MIPOL1: variants seen among roughly 807,000 people sequenced by gnomAD.
MIPOL1 encodes the protein mirror-image polydactyly gene 1 protein.
Under a neutral mutation model 60.9 loss-of-function variants are expected in MIPOL1, and 57 were observed. That is an observed-to-expected ratio of 0.94 (90% CI 0.76 to 1.17). MIPOL1 has a LOEUF of 1.17. Ranked by LOEUF, MIPOL1 falls within the 50% of genes most tolerant of loss-of-function variation. MIPOL1 has a pLI of 0.00. For missense variants in MIPOL1, 551 were observed against 511.6 expected (o/e 1.08, Z -0.74); for synonymous variants, 179 against 168.8 (o/e 1.06, Z -0.47).
chr14:37,359,855 T>C (rs984773756), intron 9 of MIPOL1, among the ~76,000 whole-genome samples: 5 of 152,182 alleles, frequency 3.3e-5, no homozygotes, highest in Admixed American at 6.6e-5. Flanking sequence ...TCCAACACTA[T>C]GTTAAATAGG....
At chr14:37,519,626 C>T (rs1168952128) in intron 12 of MIPOL1, among the ~76,000 whole-genome samples, 1 of 151,726 alleles carries the variant, frequency 6.6e-6, no homozygotes, top group Non-Finnish European at 1.5e-5. Context: ...CTAGTTCTAG[C>T]CTTGAATACC....
chr14:37,538,485 A>G (rs1349312026), intron 12 of MIPOL1, among the ~76,000 whole-genome samples: 1 of 152,210 alleles, frequency 6.6e-6, no homozygotes, highest in Admixed American at 6.5e-5. Context: ...CAAATTCAGG[A>G]TGCCAAAAGA....
intron 10 of MIPOL1, among the ~76,000 whole-genome samples, chr14:37,421,143 A>G (rs1436747041): frequency 6.6e-6 from 1 of 152,130 alleles, no homozygotes; most frequent in Non-Finnish European, 1.5e-5. Flanking sequence ...TCACAGTCCC[A>G]TTTTCATTAT....
At chr14:37,336,412 C>T (rs1250438771) in intron 9 of MIPOL1, among the ~76,000 whole-genome samples, 1 of 149,298 alleles carries the variant, frequency 6.7e-6, no homozygotes, top group African/African-American at 2.4e-5. Context: ...TTATATAATG[C>T]CCTCTTTGTC....
intron 11 of MIPOL1, among the ~76,000 whole-genome samples, chr14:37,490,728 C>T (rs1009997785): frequency 7.1e-4 from 108 of 152,248 alleles, no homozygotes; most frequent in Admixed American, 1.6e-3. Context: ...CTTAACACTT[C>T]CCAGATGAGG....
chr14:37,327,198 A>G (rs1318285562), intron 9 of MIPOL1, among the ~76,000 whole-genome samples: 1 of 152,330 alleles, frequency 6.6e-6, no homozygotes, highest in East Asian at 1.9e-4. Flanking sequence ...GAGGTCAGTA[A>G]AACTATGCAG....
At chr14:37,211,103 G>A (rs1966814697) in intron 1 of MIPOL1, among the ~76,000 whole-genome samples, 1 of 152,182 alleles carries the variant, frequency 6.6e-6, no homozygotes, top group East Asian at 1.9e-4. Context: ...GGCAGTTTCA[G>A]ATGTTACAAA....
At chr14:37,395,398 ATTTG>A (rs1178476487) in intron 10 of MIPOL1, among the ~76,000 whole-genome samples, 1 of 151,986 alleles carries the variant, frequency 6.6e-6, no homozygotes, top group African/African-American at 2.4e-5. Context: ...ATGTGTTTTC[ATTTG>A]TTTGTGTCAT....
intron 11 of MIPOL1, among the ~76,000 whole-genome samples, chr14:37,441,904 A>G (rs1386795095): frequency 6.6e-6 from 1 of 151,988 alleles, no homozygotes; most frequent in African/African-American, 2.4e-5. Flanking sequence ...TGAGCATGGG[A>G]TGTTTTTCCA....
intron 12 of MIPOL1, among the ~76,000 whole-genome samples, chr14:37,531,066 C>T (rs539429593): frequency 1.3e-5 from 2 of 152,122 alleles, no homozygotes; most frequent in African/African-American, 4.8e-5. Context: ...GATCCACCCA[C>T]CTCGGCCCCA....
intron 7 of MIPOL1, among the ~76,000 whole-genome samples, chr14:37,294,899 A>G (rs950918424): frequency 6.6e-6 from 1 of 152,140 alleles, no homozygotes; most frequent in Non-Finnish European, 1.5e-5. Flanking sequence ...CATCCAGGAG[A>G]ACTTCCCCAA....
intron 11 of MIPOL1, among the ~76,000 whole-genome samples, chr14:37,428,365 C>T (rs987506169): frequency 2.0e-5 from 3 of 152,104 alleles, no homozygotes; most frequent in Non-Finnish European, 2.9e-5. Flanking sequence ...GGGAGGCTGG[C>T]GGATCACTTG....
rs771700221 is a variant in MIPOL1, at chr14:37,266,860, A to G, written c.20-78A>G. On this transcript the variant is annotated intron_variant, in intron 3 of 12. Coordinates refer to ENST00000684589, the MANE Select transcript of MIPOL1 (RefSeq NM_001388067.1). ...TTAAAGCTAAAGAGTGTTTCCAAAA[A>G]TATTTATTTGACTGAATGATTTAAT... is the stretch of plus-strand genomic sequence containing the variant. 7.1e-6 allele frequency: 7 copies of G among 991,554 alleles called. No homozygotes were observed. The East Asian group carries it at 1.0e-4, about 15-fold the overall frequency. The allele number at this position is 991,554 out of a possible 1,614,324, so 61.4% of individuals were successfully genotyped here.
intron 3 of MIPOL1, among the ~76,000 whole-genome samples, chr14:37,249,208 T>C (rs1481075601): frequency 6.6e-6 from 1 of 152,212 alleles, no homozygotes; most frequent in Non-Finnish European, 1.5e-5. Context: ...TTTCCTCTTG[T>C]ATTATAATTT....
At position 37,260,887 on chromosome 14, in the gene MIPOL1, A is replaced by G. The variant is rs528883992; in HGVS notation, c.20-6051A>G. On this transcript the variant is annotated intron_variant, in intron 3 of 12. Transcript: ENST00000684589. The stretch of plus-strand genomic sequence containing the variant: ...AGCTGTGATCCTGATTGTAATTAAT[A>G]TCATAGAATATGTAATTAATAACAG... Among the ~76,000 whole-genome samples, 3 of 152,208 alleles carry G rather than the reference A, an allele frequency of 2.0e-5. No homozygotes were observed. The South Asian group carries it at 6.2e-4, about 32-fold the overall frequency.
At chr14:37,481,611 A>ACC (rs1555356224) in intron 11 of MIPOL1, among the ~76,000 whole-genome samples, 39 of 142,504 alleles carry the variant, frequency 2.7e-4, no homozygotes, top group African/African-American at 5.6e-4. Flanking sequence ...ACACACACAC[A>ACC]CCGAAACCAC....
intron 9 of MIPOL1, among the ~76,000 whole-genome samples, chr14:37,344,719 C>T (rs1343385268): frequency 2.0e-5 from 3 of 151,970 alleles, no homozygotes; most frequent in African/African-American, 7.3e-5. Flanking sequence ...GTTTGATTAA[C>T]CATTGGTAAA....
chr14:37,404,879 GC>G (rs1470687483), intron 10 of MIPOL1, among the ~76,000 whole-genome samples: 1 of 152,132 alleles, frequency 6.6e-6, no homozygotes, highest in African/African-American at 2.4e-5. Flanking sequence ...ATTAACAAAA[GC>G]CTAATTGCTG....
intron 11 of MIPOL1, among the ~76,000 whole-genome samples, chr14:37,499,293 C>T (rs1276411774): frequency 1.3e-5 from 2 of 151,982 alleles, no homozygotes; most frequent in African/African-American, 4.8e-5. Flanking sequence ...CTCTGTATGA[C>T]TTAATGAGTA....
Sources: gnomAD v4.1 joint callset for allele counts (sites outside exome capture counted in the v4.1 genomes callset) on GRCh38, gnomAD v4.1.1 for gene constraint, MANE v1.5 for transcripts, NCBI Gene and HGNC (gene_info 2026-07-23, HGNC 2026-07-21) for gene names.